The following TNK2 variants were observed in gnomAD, a reference collection of about 807,000 sequenced individuals.
TNK2 encodes the protein activated CDC42 kinase 1.
In TNK2, 83 loss-of-function variants were observed where a neutral mutation model predicts 101.8. That is an observed-to-expected ratio of 0.82 (90% CI 0.68 to 0.98). The LOEUF is 0.98. TNK2 is among the 50% of genes least tolerant of loss of function. The pLI is 0.00. For synonymous variants in TNK2, 804 were observed against 633.0 expected (o/e 1.27, Z -4.06); for missense variants, 1,665 against 1,483.2 (o/e 1.12, Z -2.01).
At chr3:195,879,381 C>A (rs1016810028) in intron 6 of TNK2, 50 of 607,476 alleles carry the variant, frequency 8.2e-5, no homozygotes, top group Non-Finnish European at 1.2e-4. Context: ...GCCCAGGCCT[C>A]TTATTCACTT....
Position 195,878,886 on chromosome 3 carries a change from G to A in TNK2, c.1014+163C>T, listed in dbSNP as rs1476221420. 6.6e-6 allele frequency among the ~76,000 whole-genome samples: 1 copy of A among 152,194 alleles called. No homozygotes were observed. The highest frequency in any genetic ancestry group is 2.4e-5 in the African/African-American group (1 of 41,454). ...GAGGCCATACAGATACGGGGCGTGA[G>A]AGGAGACACGGGGCGTGGTGGGAGG... is the stretch of plus-strand genomic sequence containing the variant. On this transcript the variant is annotated intron_variant, in intron 7 of 15. Transcript: ENST00000672887. The surrounding 1 kb of genome is among the most constrained non-coding windows in gnomAD (Gnocchi z 4.7).
Position 195,883,226 on chromosome 3 carries a change from G to A in TNK2, c.540C>T (p.Ala180=), listed in dbSNP as rs770157515. 1 of 1,611,394 alleles carries A rather than the reference G, an allele frequency of 6.2e-7. No homozygotes were observed. Among genetic ancestry groups the A allele is most frequent in the Non-Finnish European group, 8.5e-7 (1 of 1,179,536 alleles). ...AMDDFIREVN[A]MHSLDHRNLI... is the part of the protein sequence containing the mutation. ...GGTTTCGGTGGTCGAGCGAGTGCATGGCATTGACCTCCCGGATGAAGTCGT... is the reference window on the plus strand; with the variant it reads ...GGTTTCGGTGGTCGAGCGAGTGCATAGCATTGACCTCCCGGATGAAGTCGT... Residue 180 remains alanine, a synonymous_variant, in exon 5 of 16, where the codon GCC becomes GCT. Transcript: ENST00000672887.
At chr3:195,868,753 G>T in intron 12 of TNK2, 44 bp from the exon 13 acceptor site, 1 of 1,507,818 alleles carries the variant, frequency 6.6e-7, no homozygotes, top group South Asian at 1.3e-5. Flanking sequence ...AGTCAGGCAG[G>T]GTCTGGGACA....
rs559639322 is a variant in TNK2 at position 195,870,275 on chromosome 3, C to A, written c.1452-70G>T. ...GAGGGGTGGCAGAATCTCATCAGAGCCCCTTCGTCCTGGAGGAAACCGGGT... is the reference window on the plus strand; with the variant it reads ...GAGGGGTGGCAGAATCTCATCAGAGACCCTTCGTCCTGGAGGAAACCGGGT... On this transcript the variant is annotated intron_variant, in intron 10 of 15. Transcript: ENST00000672887. The A allele has an allele frequency of 3.3e-4, 518 of 1,587,026 alleles. 2 individuals are homozygous for A. The highest frequency in any genetic ancestry group is 3.7e-4 in the Admixed American group (22 of 58,712).
In TNK2 at chr3:195,867,255, T is replaced by A. The variant is rs202132773; in HGVS notation, c.2947A>T (p.Met983Leu). Reference sequence around the variant, plus strand: ...TCCTCTGTGGTCACCCCATGCACCATGGCCTGCAGCTGGGCACACCCACCC... The same window carrying A: ...TCCTCTGTGGTCACCCCATGCACCAAGGCCTGCAGCTGGGCACACCCACCC... ...PADKIQMLQA[M>L]VHGVTTEECQ... Residue 983 changes from methionine to leucine, a missense_variant, in exon 14 of 16, where the codon ATG (methionine) becomes TTG (leucine). Physicochemically the swap from Met to Leu is conservative, Grantham distance 15. Around this residue, in one of 3 missense-constraint regions of TNK2, gnomAD observed 1,136 missense variants for 894.9 expected, o/e 1.27. Coordinates refer to ENST00000672887, the MANE Select transcript of TNK2 (RefSeq NM_001382273.1). The A allele has an allele frequency of 6.0e-5, 96 of 1,612,322 alleles. No homozygotes were observed. The East Asian group carries it at 2.1e-3, about 35-fold the overall frequency.
At chr3:195,895,645 G>A in intron 1 of TNK2, 1 of 1,266,786 alleles carries the variant, frequency 7.9e-7, no homozygotes. Flanking sequence ...CTCTGCCTTC[G>A]CCGGCCGCGG....
At position 195,887,765 on chromosome 3, in the gene TNK2, G is replaced by A. The variant is rs575476535; in HGVS notation, c.163+661C>T. On this transcript the variant is annotated intron_variant, in intron 2 of 15. Coordinates refer to ENST00000672887, the MANE Select transcript of TNK2 (RefSeq NM_001382273.1). ...TGTGTGTGCACACGCGTGTGCGCAC[G>A]TGTGTGCGTCTGCGCGCGTGTGTGT... Among the ~76,000 whole-genome samples the A allele has an allele frequency of 5.0e-5, 7 of 140,460 alleles. No homozygotes were observed. In the East Asian group the frequency reaches 5.9e-4, roughly 12 times the overall value. The allele number at this position is 140,460 out of a possible 152,430, so 92.1% of individuals were successfully genotyped here. A position where few individuals can be genotyped will look rare whatever the true frequency, so the allele number is the denominator to read the frequency against.
Position 195,878,052 on chromosome 3 carries a change from G to T in TNK2, c.1256+201C>A, listed in dbSNP as rs1254326680. Among the ~76,000 whole-genome samples, 7 of 152,142 alleles carry T rather than the reference G, an allele frequency of 4.6e-5. No homozygotes were observed. ...GGGCTGCAGCCCAGTGGGAAAGGGT[G>T]GTGGAGGGAAGCTGGGCAGGGAAAG... On this transcript the variant is annotated intron_variant, in intron 9 of 15. Coordinates refer to ENST00000672887, the MANE Select transcript of TNK2 (RefSeq NM_001382273.1). This position sits in a 1 kb window ranked among gnomAD's most constrained non-coding sequence, Gnocchi z 4.7.
At position 195,869,578 on chromosome 3, in the gene TNK2, G is replaced by A. The variant is rs200479878; in HGVS notation, c.1544-37C>T. 380 of 1,548,846 alleles carry A rather than the reference G, an allele frequency of 2.5e-4. 1 individual carries two copies. In the African/African-American group the frequency reaches 4.3e-3, roughly 18 times the overall value. On this transcript the variant is annotated intron_variant, in intron 11 of 15. Transcript: ENST00000672887. ...GCCATGCGGACAGGGGGAGAGAGAC[G>A]GAGCAGGACAGAGGACAAAGGAGGG...
At chr3:195,906,821 G>A (rs1248967122) in intron 1 of TNK2, among the ~76,000 whole-genome samples, 1 of 151,984 alleles carries the variant, frequency 6.6e-6, no homozygotes, top group Non-Finnish European at 1.5e-5. Context: ...GAAGCACAAG[G>A]TGGGGGCTAA....
intron 2 of TNK2, among the ~76,000 whole-genome samples, chr3:195,887,986 G>A (rs568882110): frequency 5.9e-5 from 9 of 152,078 alleles, no homozygotes; most frequent in East Asian, 1.9e-4. Flanking sequence ...ATGCCTGTGC[G>A]TGTGCATGCG....
rs535561787 is a variant in TNK2 at position 195,868,686 on chromosome 3, C to T, written c.1612G>A (p.Glu538Lys). Residue 538 changes from glutamate to lysine, a missense_variant, in exon 13 of 16, where the codon GAG (glutamate) becomes AAG (lysine). Glu to Lys is a moderately conservative substitution (Grantham distance 56). Transcript: ENST00000672887. The stretch of plus-strand genomic sequence containing the variant: ...TCGCTGGACAAGGGGTCTTGGTCCT[C>T]GCTCACAGGGTCATAGGTTGGTTCT... ...TQKPTYDPVS[E>K]DQDPLSSDFK... 3.0e-5 allele frequency: 48 copies of T among 1,590,552 alleles called. No individual in the cohort carries two copies. The Admixed American group carries it at 3.6e-4, about 12-fold the overall frequency.
Position 195,886,938 on chromosome 3 carries a change from C to T in TNK2, c.234+39G>A. On this transcript the variant is annotated intron_variant, in intron 3 of 15. Transcript: ENST00000672887. This position sits in a 1 kb window ranked among gnomAD's most constrained non-coding sequence, Gnocchi z 4.2. ...CAGAAGCGGAGGGGGGCGTTCGAGG[C>T]TGCCCCCCTCCCACCTCCTCACCCA... 1 of 1,594,686 alleles carries T rather than the reference C, an allele frequency of 6.3e-7. No individual in the cohort carries two copies. Among genetic ancestry groups the T allele is most frequent in the Non-Finnish European group, 8.6e-7 (1 of 1,162,440 alleles).
chr3:195,895,592 C>G, intron 1 of TNK2: 1 of 1,312,106 alleles, frequency 7.6e-7, no homozygotes, highest in Non-Finnish European at 9.7e-7. Flanking sequence ...TCCCAGTGAG[C>G]CAGCTGTGCC....
At chr3:195,873,258 CGGGGCCTGGGCA>C (rs989117338) in intron 9 of TNK2, among the ~76,000 whole-genome samples, 1 of 152,190 alleles carries the variant, frequency 6.6e-6, no homozygotes, top group Non-Finnish European at 1.5e-5. Flanking sequence ...TGGCCTAAGC[CGGGGCCTGGGCA>C]GGGGCAGGGG....
chr3:195,885,229 G>A lies in TNK2; in HGVS notation c.235-196C>T. ...GCACACCCCCAAACATGAACCCAAA[G>A]CCTGATGCTGGCCTCAAGGAGGGTG... On this transcript the variant is annotated intron_variant, in intron 3 of 15. Transcript: ENST00000672887. The surrounding 1 kb of genome is among the most constrained non-coding windows in gnomAD (Gnocchi z 4.7). 9.8e-7 allele frequency: 1 copy of A among 1,022,874 alleles called. No homozygotes were observed. The highest frequency in any genetic ancestry group is 1.4e-6 in the Non-Finnish European group (1 of 721,986). 63.4% of individuals were successfully genotyped at this position (1,022,874 alleles called of 1,614,324 possible).
intron 1 of TNK2, chr3:195,891,879 T>A (rs540617050): frequency 3.0e-4 from 293 of 980,556 alleles, no homozygotes; most frequent in Admixed American, 1.2e-3. Context: ...CAGCCCGGCC[T>A]GTTCCCTCTC....
chr3:195,876,070 G>A (rs921689577), intron 9 of TNK2, among the ~76,000 whole-genome samples: 10 of 152,186 alleles, frequency 6.6e-5, no homozygotes, highest in Admixed American at 3.3e-4. Context: ...ACAGGAAGCC[G>A]AGGCTCCAGG....
In TNK2 at chr3:195,882,210, A is replaced by G. The variant is rs375858242; in HGVS notation, c.728T>C (p.Leu243Pro). The stretch of plus-strand genomic sequence containing the variant: ...ACGGTGAATAAAGCGCTTGGACTCC[A>G]GGTAGCCCATGCCCTCAGCCACCTG... ...AVQVAEGMGYLESKRFIHRDL... is the reference protein window; with the variant it reads ...AVQVAEGMGYPESKRFIHRDL... The change falls in exon 6 of 16, where the codon CTG (leucine) becomes CCG (proline). Residue 243 changes from leucine to proline, a missense_variant. Transcript: ENST00000672887. The surrounding 1 kb of genome is among the most constrained non-coding windows in gnomAD (Gnocchi z 4.2). The G allele has an allele frequency of 6.2e-7, 1 of 1,613,920 alleles. No homozygotes were observed. Among genetic ancestry groups the G allele is most frequent in the Non-Finnish European group, 8.5e-7 (1 of 1,180,040 alleles).
Sources: allele counts gnomAD v4.1 joint callset (sites outside exome capture counted in the v4.1 genomes callset), GRCh38; gene constraint gnomAD v4.1.1; regional missense constraint gnomAD v4.1.1; non-coding constraint Gnocchi (gnomAD v3.1); transcripts MANE v1.5; gene names NCBI Gene and HGNC (gene_info 2026-07-23, HGNC 2026-07-21).